Variants in EED observed in about 807,000 individuals in gnomAD.
EED encodes the protein polycomb protein EED.
In EED, 9 loss-of-function variants were observed where a neutral mutation model predicts 61.0. The ratio of observed to expected loss-of-function variants is 0.15; its 90% CI spans 0.09 to 0.26. The LOEUF is 0.26. EED is among the 10% of genes least tolerant of loss of function. The pLI, the probability that EED is intolerant of heterozygous loss-of-function variation, is 1.00. For synonymous variants in EED, 187 were observed against 174.4 expected (o/e 1.07, Z -0.57); for missense variants, 315 against 542.3 (o/e 0.58, Z 4.16).
At position 86,244,952 on chromosome 11, in the gene EED, G is replaced by A. The variant is rs554225827; in HGVS notation, c.-278G>A. On this transcript the variant is annotated 5_prime_UTR_variant, in exon 1 of 12. Coordinates refer to ENST00000263360, the MANE Select transcript of EED (RefSeq NM_003797.5). ...CGGACCTTACATCGTGTAGACTGCCGGGAGGGCGGCGGGAAAAGGGCAAGA... is the reference window on the plus strand; with the variant it reads ...CGGACCTTACATCGTGTAGACTGCCAGGAGGGCGGCGGGAAAAGGGCAAGA... 7.6e-6 allele frequency: 3 copies of A among 396,522 alleles called. No homozygotes were observed. The highest frequency in any genetic ancestry group is 1.4e-5 in the Non-Finnish European group (3 of 220,280). The allele number at this position is 396,522 out of a possible 1,614,324, so 24.6% of individuals were successfully genotyped here.
intron 6 of EED, among the ~76,000 whole-genome samples, chr11:86,263,775 T>C (rs1377767571): frequency 6.6e-6 from 1 of 152,182 alleles, no homozygotes; most frequent in Non-Finnish European, 1.5e-5. Context: ...AGAGCCTTCA[T>C]GCTGAATCGT....
At chr11:86,282,384 C>T (rs1217768364), downstream of EED, among the ~76,000 whole-genome samples, 3 of 152,116 alleles carry the variant, frequency 2.0e-5, no homozygotes, top group Non-Finnish European at 4.4e-5. Flanking sequence ...TTCAGATTCC[C>T]AGTAATTCTT....
At position 86,245,191 on chromosome 11, in the gene EED, C is replaced by G. The variant is rs1415535035; in HGVS notation, c.-39C>G. ...CTTGACGGCGGTGTGGCGGAGGCCC[C>G]GCCCCAGGCGGCAGGAACCTGGAGG... On this transcript the variant is annotated 5_prime_UTR_variant, in exon 1 of 12. Transcript: ENST00000263360. 6.4e-7 allele frequency: 1 copy of G among 1,566,896 alleles called. No individual in the cohort carries two copies. The highest frequency in any genetic ancestry group is 8.7e-7 in the Non-Finnish European group (1 of 1,144,572).
intron 6 of EED, among the ~76,000 whole-genome samples, chr11:86,262,590 A>C (rs1945861044): frequency 6.6e-6 from 1 of 151,942 alleles, no homozygotes; most frequent in South Asian, 2.1e-4. Flanking sequence ...GAAGGCCCTC[A>C]CCGGATGCCG....
At chr11:86,280,097 A>G (rs1311082745), downstream of EED, among the ~76,000 whole-genome samples, 1 of 151,948 alleles carries the variant, frequency 6.6e-6, no homozygotes, top group Non-Finnish European at 1.5e-5. Flanking sequence ...TTTGTTTTTT[A>G]ATTTTTTTGG....
chr11:86,257,860 T>TA (rs1318114031), intron 6 of EED, among the ~76,000 whole-genome samples: 2 of 152,232 alleles, frequency 1.3e-5, no homozygotes, highest in African/African-American at 4.8e-5. Flanking sequence ...TGGCCAATCT[T>TA]ATTTCAAAAC....
chr11:86,255,748 A>T (rs1945653395), intron 4 of EED, among the ~76,000 whole-genome samples: 1 of 151,932 alleles, frequency 6.6e-6, no homozygotes, highest in East Asian at 1.9e-4. Flanking sequence ...AATAAAATAT[A>T]TAAAAATAAA....
downstream of EED, among the ~76,000 whole-genome samples, chr11:86,279,187 A>G (rs946792700): frequency 3.3e-5 from 5 of 152,244 alleles, no homozygotes; most frequent in East Asian, 9.6e-4. Flanking sequence ...AACCTCTGAT[A>G]ATGTTTAACT....
At chr11:86,271,710 T>A (rs566824368) in intron 9 of EED, among the ~76,000 whole-genome samples, 1 of 152,314 alleles carries the variant, frequency 6.6e-6, no homozygotes, top group South Asian at 2.1e-4. Context: ...TGGTGTTTTG[T>A]CAAATGCTTT....
intron 6 of EED, among the ~76,000 whole-genome samples, chr11:86,261,318 A>C (rs1162146976): frequency 1.3e-5 from 2 of 152,268 alleles, no homozygotes; most frequent in Non-Finnish European, 2.9e-5. Context: ...GATTAAATCC[A>C]AGGCACCAGA....
In EED at chr11:86,250,386, G is replaced by A; in HGVS notation, c.205G>A (p.Gly69Arg). 3 of 1,607,666 alleles carry A rather than the reference G, an allele frequency of 1.9e-6. No individual in the cohort carries two copies. The highest frequency in any genetic ancestry group is 2.5e-6 in the Non-Finnish European group (3 of 1,177,320). Residue 69 changes from glycine to arginine, a missense_variant, in exon 2 of 12, where the codon GGA (glycine) becomes AGA (arginine). Around this residue, in one of 2 missense-constraint regions of EED, gnomAD observed 205 missense variants for 455.4 expected, o/e 0.45. Transcript: ENST00000263360. ...AAATGCACCTGGAAGGAAAAGTTGGGGAAAGGGAAAATGGAAGTCAAAGAA... is the reference window on the plus strand; with the variant it reads ...AAATGCACCTGGAAGGAAAAGTTGGAGAAAGGGAAAATGGAAGTCAAAGAA... ...TPNAPGRKSW[G>R]KGKWKSKKCK...
intron 1 of EED, among the ~76,000 whole-genome samples, chr11:86,249,602 C>CT (rs1409666966): frequency 9.2e-5 from 14 of 151,850 alleles, no homozygotes; most frequent in East Asian, 1.9e-4. Flanking sequence ...GCAGTCATTT[C>CT]TTTTTTTTGG....
chr11:86,264,286 A>G (rs751321344), intron 7 of EED, 23 bp downstream of exon 7: 53 of 1,570,612 alleles, frequency 3.4e-5, no homozygotes, highest in Non-Finnish European at 4.6e-5. Context: ...CTGCAGGGCA[A>G]TGACTTTCAG....
chr11:86,284,250 C>A, the EED span: 3 of 152,208 alleles, frequency 2.0e-5, no homozygotes, highest in Non-Finnish European at 4.4e-5. Flanking sequence ...TGTGGAAGTT[C>A]CTGGGTTTTG....
chr11:86,266,330 T>A, intron 8 of EED, 114 bp downstream of exon 8: 1 of 899,168 alleles, frequency 1.1e-6, no homozygotes, highest in African/African-American at 1.7e-5. Context: ...GACCTTCTTT[T>A]AACTTTAAGG....
At chr11:86,272,917 CTG>C (rs1397908236) in intron 9 of EED, among the ~76,000 whole-genome samples, 1 of 152,120 alleles carries the variant, frequency 6.6e-6, no homozygotes, top group East Asian at 1.9e-4. Flanking sequence ...TCATTTCTCT[CTG>C]AGTTTTTTCC....
At chr11:86,260,357 G>C (rs532457645) in intron 6 of EED, among the ~76,000 whole-genome samples, 24 of 152,116 alleles carry the variant, frequency 1.6e-4, no homozygotes, top group African/African-American at 5.8e-4. Flanking sequence ...CTTCTGAGTA[G>C]CTGGGACTAC....
intron 8 of EED, among the ~76,000 whole-genome samples, chr11:86,267,435 T>C (rs566267410): frequency 1.8e-4 from 28 of 152,328 alleles, no homozygotes; most frequent in African/African-American, 6.3e-4. Context: ...CTATTTCTGA[T>C]TTAAAACTGA....
intron 9 of EED, among the ~76,000 whole-genome samples, chr11:86,273,310 A>G (rs1946159421): frequency 6.6e-6 from 1 of 152,260 alleles, no homozygotes; most frequent in South Asian, 2.1e-4. Flanking sequence ...GGCACAAGCC[A>G]TTTGAGTGAA....
Sources: allele counts gnomAD v4.1 joint callset (sites outside exome capture counted in the v4.1 genomes callset), GRCh38; gene constraint gnomAD v4.1.1; regional missense constraint gnomAD v4.1.1; transcripts MANE v1.5; gene names NCBI Gene and HGNC (gene_info 2026-07-23, HGNC 2026-07-21).